The following FAM118B variants were observed in gnomAD, a reference collection of about 807,000 sequenced individuals.
FAM118B encodes SIR2 antiphage like 1.
A neutral mutation model predicts 38.5 loss-of-function variants in FAM118B; 24 were observed. The observed-to-expected ratio is 0.62, with a 90% CI of 0.45 to 0.88. The LOEUF (loss-of-function observed/expected upper bound fraction) is 0.88, where lower values mean the gene tolerates loss of function less well. Ranked by LOEUF, FAM118B falls within the 40% of genes least tolerant of loss-of-function variation. FAM118B has a pLI of 0.00. For missense variants in FAM118B, 334 were observed against 420.0 expected (o/e 0.80, Z 1.79); for synonymous variants, 138 against 156.3 (o/e 0.88, Z 0.87).
In FAM118B at chr11:126,250,258, A is replaced by AT. The variant is rs927891020; in HGVS notation, c.340-240dup. 1.3e-5 allele frequency among the ~76,000 whole-genome samples: 2 copies of AT among 151,742 alleles called. No homozygotes were observed. The highest frequency in any genetic ancestry group is 3.9e-4 in the East Asian group (2 of 5,150). ...AGGCGCCTGTCACCACGCCCTGCTAATTTTTTTTATTTTTAGTAGAGACGG... is the reference window on the plus strand; with the variant it reads ...AGGCGCCTGTCACCACGCCCTGCTAATTTTTTTTTATTTTTAGTAGAGACGG... On this transcript the variant is annotated intron_variant, in intron 4 of 8. Coordinates refer to ENST00000533050, the MANE Select transcript of FAM118B (RefSeq NM_024556.4). The surrounding 1 kb of genome is among the most constrained non-coding windows in gnomAD (Gnocchi z 5.1).
intron 1 of FAM118B, among the ~76,000 whole-genome samples, chr11:126,226,162 C>T (rs1950139099): frequency 7.8e-6 from 1 of 128,016 alleles, no homozygotes; most frequent in South Asian, 2.7e-4. Context: ...CAGAAAGGAA[C>T]GTGGCGCAAG....
At position 126,244,130 on chromosome 11, in the gene FAM118B, A is replaced by G. The variant is rs11220418; in HGVS notation, c.339+3086A>G. Among the ~76,000 whole-genome samples, 17,599 of 152,210 alleles carry G rather than the reference A, an allele frequency of 0.12. 1,051 individuals carry two copies. Among genetic ancestry groups the G allele is most frequent in the South Asian group, 0.14 (670 of 4,822 alleles). The stretch of plus-strand genomic sequence containing the variant: ...TAAAGACCGTATATGAAAAACTCAC[A>G]GTTAACATATTTAATGGTGAAAGAC... On this transcript the variant is annotated intron_variant, in intron 4 of 8. Coordinates refer to ENST00000533050, the MANE Select transcript of FAM118B (RefSeq NM_024556.4). The surrounding 1 kb of genome is among the most constrained non-coding windows in gnomAD (Gnocchi z 4.5).
rs1242508870 is a variant in FAM118B, at chr11:126,240,989, A to G, written c.284A>G (p.His95Arg). 6.2e-7 allele frequency: 1 copy of G among 1,613,894 alleles called. No individual in the cohort carries two copies. Among genetic ancestry groups the G allele is most frequent in the Non-Finnish European group, 8.5e-7 (1 of 1,179,978 alleles). Residue 95 changes from histidine to arginine, a missense_variant, in exon 4 of 9, where the codon CAT becomes CGT. This residue lies in a region of FAM118B where 240 missense variants were observed against 295.9 expected (regional missense o/e 0.81). Transcript: ENST00000533050. ...AGCAAAAAGTTTCAGAAATGTCTCCATGAAGACAAGAACCTGGTCCATGTT... is the reference window on the plus strand; with the variant it reads ...AGCAAAAAGTTTCAGAAATGTCTCCGTGAAGACAAGAACCTGGTCCATGTT... ...EESKKFQKCL[H>R]EDKNLVHVAH... is the part of the protein sequence containing the mutation.
At chr11:126,214,488 C>CT (rs1565322268) in intron 1 of FAM118B, 3 of 34,850 alleles carry the variant, frequency 8.6e-5, no homozygotes, top group Non-Finnish European at 1.2e-4. Context: ...TCTTTTGTTT[C>CT]TGTTTTTTTT....
intron 4 of FAM118B, among the ~76,000 whole-genome samples, chr11:126,246,573 C>T (rs1000207768): frequency 6.6e-6 from 1 of 152,092 alleles, no homozygotes; most frequent in Non-Finnish European, 1.5e-5. Context: ...GTTAATAACC[C>T]TGGGGCGGGA....
At chr11:126,219,992 C>G (rs1462169321) in intron 1 of FAM118B, among the ~76,000 whole-genome samples, 1 of 151,798 alleles carries the variant, frequency 6.6e-6, no homozygotes, top group Non-Finnish European at 1.5e-5. Context: ...CAGGGGCAAA[C>G]TCTAATGAAT....
rs1950533388 is a variant in FAM118B at position 126,253,449 on chromosome 11, G to A, written c.568-856G>A. Among the ~76,000 whole-genome samples, 1 of 152,200 alleles carries A rather than the reference G, an allele frequency of 6.6e-6. No individual in the cohort carries two copies. The highest frequency in any genetic ancestry group is 2.4e-5 in the African/African-American group (1 of 41,448). ...GAATCAGGTGGCTATTGCATTCGCT[G>A]TTGTCTAAATGATTGTTCTTCGCTG... On this transcript the variant is annotated intron_variant, in intron 5 of 8. Coordinates refer to ENST00000533050, the MANE Select transcript of FAM118B (RefSeq NM_024556.4). The surrounding 1 kb of genome is among the most constrained non-coding windows in gnomAD (Gnocchi z 5.1).
intron 1 of FAM118B, among the ~76,000 whole-genome samples, chr11:126,221,382 A>G (rs1001743238): frequency 2.0e-5 from 3 of 152,214 alleles, no homozygotes; most frequent in African/African-American, 7.2e-5. Context: ...CAGTAAATAC[A>G]TATGTTGGTG....
intron 7 of FAM118B, among the ~76,000 whole-genome samples, chr11:126,259,021 C>G (rs1405907614): frequency 6.6e-6 from 1 of 152,158 alleles, no homozygotes; most frequent in Non-Finnish European, 1.5e-5. Flanking sequence ...TTAAGGTGTT[C>G]TGTATCTTTA....
chr11:126,258,593 A>G (rs1950618263), intron 7 of FAM118B, among the ~76,000 whole-genome samples: 1 of 152,108 alleles, frequency 6.6e-6, no homozygotes, highest in Non-Finnish European at 1.5e-5. Context: ...TGTGAAAACT[A>G]TTTACTATTC....
At chr11:126,254,196 G>GACT in intron 5 of FAM118B, 109 bp from the exon 6 acceptor site, 1 of 1,320,222 alleles carries the variant, frequency 7.6e-7, no homozygotes, top group East Asian at 2.4e-5. Flanking sequence ...CATGAAGCTA[G>GACT]AGAGTTTATG....
rs367937630 is a variant in FAM118B at position 126,262,101 on chromosome 11, C to G, written c.1043-19C>G. On this transcript the variant is annotated intron_variant, in intron 8 of 8. Coordinates refer to ENST00000533050, the MANE Select transcript of FAM118B (RefSeq NM_024556.4). ...GTTTTGTGAAACTTCATTTTGTTCT[C>G]TTTTCTTTCTCCCTACAGGCTGTAG... 2 of 1,613,918 alleles carry G rather than the reference C, an allele frequency of 1.2e-6. No homozygotes were observed. Among genetic ancestry groups the G allele is most frequent in the South Asian group, 2.2e-5 (2 of 91,052 alleles).
intron 1 of FAM118B, among the ~76,000 whole-genome samples, chr11:126,228,537 T>TAAGGG (rs1260750179): frequency 6.6e-6 from 1 of 151,544 alleles, no homozygotes; most frequent in Non-Finnish European, 1.5e-5. Flanking sequence ...TTCCCTTCAT[T>TAAGGG]AAGACTTGTC....
intron 1 of FAM118B, among the ~76,000 whole-genome samples, chr11:126,221,914 A>G (rs1950067851): frequency 6.6e-6 from 1 of 152,076 alleles, no homozygotes. Context: ...ATTTTCCTCA[A>G]GCAGAAGTGC....
At position 126,256,844 on chromosome 11, in the gene FAM118B, G is replaced by T. The variant is rs768983486; in HGVS notation, c.974G>T (p.Gly325Val). 9.9e-6 allele frequency: 16 copies of T among 1,609,694 alleles called. No individual in the cohort carries two copies. The highest frequency in any genetic ancestry group is 1.7e-5 in the Admixed American group (1 of 59,284). ...CTGACATGTGAGATCTCCACAAGGGGTACATCAGGTAAGATGCATTTTGAA... is the reference window on the plus strand; with the variant it reads ...CTGACATGTGAGATCTCCACAAGGGTTACATCAGGTAAGATGCATTTTGAA... ...KRLTCEISTR[G>V]TSAGMVREGQ... is the part of the protein sequence containing the mutation. Residue 325 changes from glycine to valine, a missense_variant, in exon 7 of 9, where the codon GGT becomes GTT. Gly to Val is a moderately radical substitution (Grantham distance 109). Transcript: ENST00000533050. This position sits in a 1 kb window ranked among gnomAD's most constrained non-coding sequence, Gnocchi z 6.6.
intron 3 of FAM118B, among the ~76,000 whole-genome samples, chr11:126,237,664 GA>G (rs2135163970): frequency 8.2e-6 from 1 of 121,284 alleles, no homozygotes; most frequent in South Asian, 2.9e-4. Flanking sequence ...GTAACATAGT[GA>G]AACCCTGTCT....
In FAM118B at chr11:126,254,298, T is replaced by C; in HGVS notation, c.568-7T>C. 1 of 1,613,496 alleles carries C rather than the reference T, an allele frequency of 6.2e-7. No individual in the cohort carries two copies. Among genetic ancestry groups the C allele is most frequent in the Non-Finnish European group, 8.5e-7 (1 of 1,179,596 alleles). On this transcript the variant is annotated splice_region_variant and splice_polypyrimidine_tract_variant and intron_variant, in intron 5 of 8. Transcript: ENST00000533050. ...CAAGCTGGTTGGGCTATATGTGTGT[T>C]GTGCAGGTCCTCGAGTGGGCTCAGG...
chr11:126,257,930 C>T (rs1321621877), intron 7 of FAM118B, among the ~76,000 whole-genome samples: 1 of 152,142 alleles, frequency 6.6e-6, no homozygotes, highest in Non-Finnish European at 1.5e-5. Flanking sequence ...GCACAAAACA[C>T]AAACATTTTT....
At position 126,232,925 on chromosome 11, in the gene FAM118B, T is replaced by C. The variant is rs916751072; in HGVS notation, c.-7-2070T>C. Among the ~76,000 whole-genome samples the C allele has an allele frequency of 3.9e-5, 6 of 152,286 alleles. No individual in the cohort carries two copies. In the East Asian group the frequency reaches 1.2e-3, roughly 29 times the overall value. ...GACACTTAAAACCTGGCTATTGTTA[T>C]AAGCAAACTGGGAAGTCGTTAGACT... is the stretch of plus-strand genomic sequence containing the variant. On this transcript the variant is annotated intron_variant, in intron 2 of 8. Transcript: ENST00000533050.
Sources: gnomAD v4.1 joint callset for allele counts (sites outside exome capture counted in the v4.1 genomes callset) on GRCh38, gnomAD v4.1.1 for gene constraint, gnomAD v4.1.1 regional missense constraint, Gnocchi (gnomAD v3.1) non-coding constraint, MANE v1.5 for transcripts, NCBI Gene and HGNC (gene_info 2026-07-23, HGNC 2026-07-21) for gene names.